The following PRMT8 variants were observed in gnomAD, a reference collection of about 807,000 sequenced individuals.
PRMT8 encodes the protein protein arginine methyltransferase 8, also known as protein arginine N-methyltransferase 8.
A neutral mutation model predicts 47.1 loss-of-function variants in PRMT8; 7 were observed. The ratio of observed to expected loss-of-function variants is 0.15; its 90% CI spans 0.08 to 0.28. The LOEUF is 0.28. Among genes scored for constraint, PRMT8 ranks in the 10% least tolerant of loss-of-function variants. The pLI, the probability that PRMT8 is intolerant of heterozygous loss-of-function variation, is 1.00. For synonymous variants in PRMT8, 188 were observed against 186.5 expected (o/e 1.01, Z -0.07); for missense variants, 237 against 505.4 (o/e 0.47, Z 5.09).
chr12:3,515,802 C>G (rs1865783267), intron 1 of PRMT8, among the ~76,000 whole-genome samples: 1 of 152,234 alleles, frequency 6.6e-6, no homozygotes, highest in Non-Finnish European at 1.5e-5. Flanking sequence ...CCTTGACACC[C>G]ATGCATTGTC....
At chr12:3,434,662 TG>T (rs1359664425) in intron 1 of PRMT8, among the ~76,000 whole-genome samples, 1 of 151,850 alleles carries the variant, frequency 6.6e-6, no homozygotes, top group East Asian at 1.9e-4. Flanking sequence ...TTTCAAACAC[TG>T]GTGCCAAGGG....
chr12:3,555,292 C>A (rs192845022), intron 4 of PRMT8, among the ~76,000 whole-genome samples: 1 of 152,186 alleles, frequency 6.6e-6, no homozygotes, highest in Admixed American at 6.5e-5. Context: ...CCCATGGCTG[C>A]GTTAGGTTAG....
intron 8 of PRMT8, among the ~76,000 whole-genome samples, chr12:3,589,023 CG>C (rs1565451130): frequency 1.3e-5 from 2 of 152,160 alleles, no homozygotes; most frequent in Non-Finnish European, 2.9e-5. Flanking sequence ...TAGAGAGAGG[CG>C]GCATATCTTT....
chr12:3,565,756 T>C (rs1312162752), intron 4 of PRMT8, among the ~76,000 whole-genome samples: 3 of 152,220 alleles, frequency 2.0e-5, no homozygotes, highest in Non-Finnish European at 4.4e-5. Context: ...CAGCAACTAA[T>C]TGATAAGAGG....
intron 1 of PRMT8, among the ~76,000 whole-genome samples, chr12:3,481,365 G>T (rs879377970): frequency 2.6e-5 from 4 of 152,234 alleles, no homozygotes; most frequent in Non-Finnish European, 5.9e-5. Flanking sequence ...CTAGACAACA[G>T]AGGGGAAGGG....
intron 1 of PRMT8, among the ~76,000 whole-genome samples, chr12:3,382,110 T>C (rs1157765389): frequency 6.6e-6 from 1 of 152,250 alleles, no homozygotes; most frequent in Non-Finnish European, 1.5e-5. Context: ...AGATGTACTA[T>C]AGTTTGTTTA....
intron 4 of PRMT8, among the ~76,000 whole-genome samples, chr12:3,554,139 CTGCCCACG>C (rs1866481825): frequency 6.6e-6 from 1 of 152,262 alleles, no homozygotes; most frequent in Non-Finnish European, 1.5e-5. Context: ...TGGTCCTCCA[CTGCCCACG>C]AGCCCTGTCA....
chr12:3,448,414 A>C (rs182762929), intron 1 of PRMT8, among the ~76,000 whole-genome samples: 1 of 152,364 alleles, frequency 6.6e-6, no homozygotes, highest in Non-Finnish European at 1.5e-5. Context: ...AAATTTAAAA[A>C]TTAGTTCATT....
chr12:3,563,281 G>A (rs546371211), intron 4 of PRMT8, among the ~76,000 whole-genome samples: 6 of 152,156 alleles, frequency 3.9e-5, no homozygotes, highest in African/African-American at 1.4e-4. Flanking sequence ...GCCCTCAAGA[G>A]AGCCAGAGCG....
At chr12:3,533,061 C>A (rs950823955) in intron 1 of PRMT8, among the ~76,000 whole-genome samples, 1 of 152,120 alleles carries the variant, frequency 6.6e-6, no homozygotes, top group Non-Finnish European at 1.5e-5. Flanking sequence ...GGTAAGAAAA[C>A]CCTATGTAGG....
chr12:3,407,818 C>CT (rs1565400522), intron 1 of PRMT8, among the ~76,000 whole-genome samples: 1 of 151,954 alleles, frequency 6.6e-6, no homozygotes, highest in East Asian at 1.9e-4. Context: ...ATTCTCTTTT[C>CT]TTTTTTTCCC....
intron 1 of PRMT8, among the ~76,000 whole-genome samples, chr12:3,437,059 A>G (rs528526016): frequency 5.7e-4 from 87 of 152,284 alleles, no homozygotes; most frequent in African/African-American, 1.9e-3. Context: ...TGACAATTCA[A>G]ATGACAGCTG....
chr12:3,481,797 G>C (rs1591563563), intron 1 of PRMT8, among the ~76,000 whole-genome samples: 2 of 152,174 alleles, frequency 1.3e-5, no homozygotes, highest in East Asian at 3.8e-4. Context: ...GACACTAGCT[G>C]TCATGGCCTG....
rs371765898 is a variant in PRMT8, at chr12:3,554,774, C to T, written c.481+1060C>T. Among the ~76,000 whole-genome samples the T allele has an allele frequency of 1.2e-4, 19 of 152,206 alleles. No individual in the cohort carries two copies. In the East Asian group the frequency reaches 2.9e-3, roughly 23 times the overall value. On this transcript the variant is annotated intron_variant, in intron 4 of 9. Coordinates refer to ENST00000382622, the MANE Select transcript of PRMT8 (RefSeq NM_019854.5). Reference sequence around the variant, plus strand: ...TCTGGCAGGTGGGCTTTGTCAAGTCCGAGGCACCGAGGAGTCAGCTCAGCC... The same window carrying T: ...TCTGGCAGGTGGGCTTTGTCAAGTCTGAGGCACCGAGGAGTCAGCTCAGCC...
Position 3,492,745 on chromosome 12 carries a change from C to T in PRMT8, c.75+1045C>T, listed in dbSNP as rs549041163. Among the ~76,000 whole-genome samples the T allele has an allele frequency of 1.6e-4, 25 of 152,272 alleles. No homozygotes were observed. In the South Asian group the frequency reaches 5.2e-3, roughly 32 times the overall value. On this transcript the variant is annotated intron_variant, in intron 1 of 9. Transcript: ENST00000382622. The surrounding 1 kb of genome is among the most constrained non-coding windows in gnomAD (Gnocchi z 7.5). ...CAGCCCCCTTACCTTCCTGGAGAAACGGTGCGCCGAGATGGGGGCGGAGTG... is the reference window on the plus strand; with the variant it reads ...CAGCCCCCTTACCTTCCTGGAGAAATGGTGCGCCGAGATGGGGGCGGAGTG...
chr12:3,413,264 C>T (rs562583823), intron 1 of PRMT8, among the ~76,000 whole-genome samples: 8 of 152,252 alleles, frequency 5.3e-5, no homozygotes, highest in South Asian at 2.1e-4. Context: ...TGGGAGTTCC[C>T]GTGAACAAGC....
chr12:3,571,919 A>G (rs1021888933), intron 6 of PRMT8, among the ~76,000 whole-genome samples: 1 of 152,264 alleles, frequency 6.6e-6, no homozygotes, highest in African/African-American at 2.4e-5. Context: ...GCAATTTTCT[A>G]TTGGCTCAAG....
intron 3 of PRMT8, chr12:3,551,318 C>T (rs1188758979): frequency 6.6e-6 from 1 of 152,302 alleles, no homozygotes; most frequent in East Asian, 1.9e-4. Context: ...GAGGCACTTG[C>T]TGAGGGCAGG....
In PRMT8 at chr12:3,462,401, G is replaced by A. The variant is rs186037859; in HGVS notation, c.49-78205G>A. ...AGAGTGGGCTGGTACTGGGTTGTTC[G>A]TTAACCATCTTACTGATTTACAGAA... On this transcript the variant is annotated intron_variant, in intron 1 of 9. Transcript: ENST00000452611. 2.6e-5 allele frequency among the ~76,000 whole-genome samples: 4 copies of A among 152,110 alleles called. No homozygotes were observed. In the East Asian group the frequency reaches 5.8e-4, roughly 22 times the overall value.
Sources: gnomAD v4.1 joint callset for allele counts (sites outside exome capture counted in the v4.1 genomes callset) on GRCh38, gnomAD v4.1.1 for gene constraint, Gnocchi (gnomAD v3.1) non-coding constraint, MANE v1.5 for transcripts, NCBI Gene and HGNC (gene_info 2026-07-23, HGNC 2026-07-21) for gene names.